ASB3: variants seen among roughly 807,000 people sequenced by gnomAD.
ASB3 encodes ankyrin repeat and SOCS box containing 3, also known as ankyrin repeat and SOCS box protein 3.
ASB3 carries 41 observed loss-of-function variants against 54.5 expected under a neutral mutation model. That is an observed-to-expected ratio of 0.75 (90% CI 0.59 to 0.98). The LOEUF (loss-of-function observed/expected upper bound fraction) is 0.98. ASB3 is among the 50% of genes least tolerant of loss of function. The pLI, the probability that ASB3 is intolerant of heterozygous loss-of-function variation, is 0.00. For missense variants in ASB3, 733 were observed against 620.0 expected, an observed-to-expected ratio of 1.18 and a Z score of -1.94; for synonymous variants, 266 against 221.2, an observed-to-expected ratio of 1.20 and a Z score of -1.80.
At chr2:53,704,830 T>C (rs1028983613) in intron 7 of ASB3, among the ~76,000 whole-genome samples, 1 of 152,220 alleles carries the variant, frequency 6.6e-6, no homozygotes, top group African/African-American at 2.4e-5. Context: ...TTTATCAAGA[T>C]GATTCCCTGT....
At position 53,716,595 on chromosome 2, in the gene ASB3, A is replaced by G; in HGVS notation, c.753T>C (p.Ile251=). Residue 251 remains isoleucine, a synonymous_variant, in exon 6 of 10, where the codon ATT becomes ATC. Coordinates refer to ENST00000263634, the MANE Select transcript of ASB3 (RefSeq NM_016115.5). ...YCNEDSWQLP[I]HAAAQMGHTK... is the part of the protein sequence containing the mutation. ...TATGGCCCATTTGTGCAGCTGCATG[A>G]ATAGGTAACTGCCAACTGTCCTCAT... 6.2e-7 allele frequency: 1 copy of G among 1,613,828 alleles called. No homozygotes were observed. The highest frequency in any genetic ancestry group is 1.1e-5 in the South Asian group (1 of 91,028).
intron 2 of ASB3, among the ~76,000 whole-genome samples, chr2:53,752,821 C>T (rs1199934032): frequency 6.6e-6 from 1 of 152,104 alleles, no homozygotes; most frequent in East Asian, 1.9e-4. Context: ...AGGTACCCAT[C>T]AGGGAAAGGA....
At chr2:53,671,636 G>A (rs745614107) in intron 9 of ASB3, among the ~76,000 whole-genome samples, 2 of 151,854 alleles carry the variant, frequency 1.3e-5, no homozygotes, top group Non-Finnish European at 2.9e-5. Context: ...GCACATGCCT[G>A]TAATCCCACC....
chr2:53,695,380 A>C (rs1366602857), intron 8 of ASB3, among the ~76,000 whole-genome samples: 2 of 152,178 alleles, frequency 1.3e-5, no homozygotes, highest in African/African-American at 4.8e-5. Flanking sequence ...ATCACAACTT[A>C]TCAGAAATAC....
At chr2:53,772,067 G>C in intron 1 of ASB3, 1 of 604,676 alleles carries the variant, frequency 1.7e-6, no homozygotes, top group Non-Finnish European at 2.8e-6. Flanking sequence ...ATTCTTCTCT[G>C]TATTTGTGGG....
At chr2:53,772,186 G>GT (rs113833338) in intron 1 of ASB3, among the ~76,000 whole-genome samples, 25,594 of 151,780 alleles carry the variant, frequency 0.17, 2,637 homozygotes, top group African/African-American at 0.29. Context: ...TTTTTGTGGG[G>GT]TTTTTTGAGA....
chr2:53,721,398 CAAAAA>C (rs1195017138), intron 5 of ASB3, among the ~76,000 whole-genome samples: 4 of 87,362 alleles, frequency 4.6e-5, no homozygotes, highest in African/African-American at 1.3e-4. Context: ...TACTAAACTA[CAAAAA>C]AAAAAAAAAA....
At chr2:53,704,981 T>G (rs1327768764) in intron 7 of ASB3, among the ~76,000 whole-genome samples, 1 of 152,208 alleles carries the variant, frequency 6.6e-6, no homozygotes, top group Non-Finnish European at 1.5e-5. Flanking sequence ...AAGTGACTAT[T>G]ATTTCACATT....
chr2:53,730,588 G>A (rs770299594), intron 3 of ASB3, among the ~76,000 whole-genome samples: 1 of 152,136 alleles, frequency 6.6e-6, no homozygotes, highest in Non-Finnish European at 1.5e-5. Context: ...GGGTCAAATG[G>A]CAGTTGTGTT....
chr2:53,704,318 C>T (rs1402394274), intron 7 of ASB3, among the ~76,000 whole-genome samples: 2 of 149,970 alleles, frequency 1.3e-5, no homozygotes, highest in Admixed American at 1.3e-4. Flanking sequence ...CAAGATCACG[C>T]CACTGCACTC....
chr2:53,721,695 G>A (rs1670721521), intron 5 of ASB3, among the ~76,000 whole-genome samples: 1 of 151,982 alleles, frequency 6.6e-6, no homozygotes, highest in African/African-American at 2.4e-5. Flanking sequence ...TTAAAATGCA[G>A]CAAAAAGTGT....
chr2:53,689,215 T>A (rs1668783619), intron 9 of ASB3, among the ~76,000 whole-genome samples: 1 of 152,164 alleles, frequency 6.6e-6, no homozygotes, highest in African/African-American at 2.4e-5. Context: ...TATTTAATTC[T>A]AGAGCTTCAA....
chr2:53,768,050 ACTGCC>A, intron 1 of ASB3: 3 of 1,609,650 alleles, frequency 1.9e-6, no homozygotes, highest in Non-Finnish European at 2.5e-6. Context: ...CCCCACACTT[ACTGCC>A]CCCTGACCCC....
intron 2 of ASB3, among the ~76,000 whole-genome samples, chr2:53,755,976 G>T (rs1672794142): frequency 7.5e-6 from 1 of 132,816 alleles, no homozygotes; most frequent in Non-Finnish European, 1.7e-5. Flanking sequence ...AAAATAGTAA[G>T]ACCCCCCCCC....
rs138821770 is a variant in ASB3, at chr2:53,762,226, C to T, written c.196+3151G>A. On this transcript the variant is annotated intron_variant, in intron 2 of 9. Coordinates refer to ENST00000263634, the MANE Select transcript of ASB3 (RefSeq NM_016115.5). ...ACACACAAATATAGACATACACATA[C>T]ACAAATTTGCTGACTGACTAGATGA... 5.1e-4 allele frequency among the ~76,000 whole-genome samples: 78 copies of T among 152,102 alleles called. 1 individual carries two copies. The highest frequency in any genetic ancestry group is 3.5e-3 in the East Asian group (18 of 5,180).
intron 3 of ASB3, among the ~76,000 whole-genome samples, chr2:53,738,649 G>A (rs1182714674): frequency 6.6e-6 from 1 of 152,128 alleles, no homozygotes. Flanking sequence ...CTGTCTTCAA[G>A]ATACCCATTT....
chr2:53,722,538 T>C (rs527910688), intron 5 of ASB3, among the ~76,000 whole-genome samples: 9 of 152,256 alleles, frequency 5.9e-5, no homozygotes, highest in South Asian at 4.1e-4. Context: ...AAATGAATAA[T>C]TGGGATTCAC....
intron 5 of ASB3, among the ~76,000 whole-genome samples, chr2:53,723,788 C>T (rs1233602715): frequency 6.6e-6 from 1 of 152,182 alleles, no homozygotes; most frequent in African/African-American, 2.4e-5. Flanking sequence ...CATGCACCTA[C>T]AGCCATCTGA....
rs565741483 is a variant in ASB3 at position 53,723,692 on chromosome 2, G to T, written c.604+5020C>A. 7.9e-5 allele frequency among the ~76,000 whole-genome samples: 12 copies of T among 152,252 alleles called. 1 individual carries two copies. The South Asian group carries it at 2.5e-3, about 32-fold the overall frequency. Reference sequence around the variant, plus strand: ...TACCCAATTTCAAACTCTACTTTAAGGCTACAGTAACCAAAACAGCATGGT... The same window carrying T: ...TACCCAATTTCAAACTCTACTTTAATGCTACAGTAACCAAAACAGCATGGT... On this transcript the variant is annotated intron_variant, in intron 5 of 9. Transcript: ENST00000263634.
Sources: allele counts gnomAD v4.1 joint callset (sites outside exome capture counted in the v4.1 genomes callset), GRCh38; gene constraint gnomAD v4.1.1; transcripts MANE v1.5; gene names NCBI Gene and HGNC (gene_info 2026-07-23, HGNC 2026-07-21).